Variants in TFAP4 observed in about 807,000 individuals in gnomAD.
TFAP4 encodes transcription factor AP-4.
In TFAP4, 7 loss-of-function variants were observed where a neutral mutation model predicts 40.4. The observed-to-expected ratio is 0.17, with a 90% CI of 0.10 to 0.33. The LOEUF is 0.33. Ranked by LOEUF, TFAP4 falls within the 10% of genes least tolerant of loss-of-function variation. The probability of loss-of-function intolerance (pLI) is 1.00; values close to 1 mark genes in which losing one functional copy is unlikely to be tolerated. For synonymous variants in TFAP4, 218 were observed against 181.4 expected (o/e 1.20, Z -1.62); for missense variants, 374 against 451.1 (o/e 0.83, Z 1.55).
chr16:4,260,342 C>T, intron 5 of TFAP4, 97 bp from the exon 6 acceptor site: 2 of 1,503,938 alleles, frequency 1.3e-6, no homozygotes, highest in Non-Finnish European at 1.8e-6. Flanking sequence ...CTGCCTCTGC[C>T]CCTTTATATT....
intron 1 of TFAP4, among the ~76,000 whole-genome samples, chr16:4,269,492 CAAAAAAAAAAA>C (rs60856578): frequency 2.3e-5 from 1 of 43,224 alleles, no homozygotes; most frequent in Non-Finnish European, 4.1e-5. Context: ...GACTCTGCCT[CAAAAAAAAAAA>C]AAAAAAAAAA....
rs1425872588 is a variant in TFAP4, at chr16:4,257,342, AAAAAC to A, written c.*708_*712del. On this transcript the variant is annotated 3_prime_UTR_variant, in exon 7 of 7. Transcript: ENST00000204517. ...AAAAAAAAAAAGAAAGAAAAAAAAG[AAAAAC>A]AAAACAAAAACAGAAAGCAAACCAA... is the stretch of plus-strand genomic sequence containing the variant. The A allele has an allele frequency of 6.6e-6, 1 of 151,700 alleles. No homozygotes were observed. 9.4% of individuals were successfully genotyped at this position (151,700 alleles called of 1,614,324 possible).
intron 1 of TFAP4, chr16:4,264,702 G>A (rs955980599): frequency 6.6e-6 from 1 of 152,394 alleles, no homozygotes; most frequent in African/African-American, 2.4e-5. Context: ...GCACGGCTGT[G>A]TGTGGCCCAG....
chr16:4,271,957 C>T (rs1261864830), intron 1 of TFAP4, among the ~76,000 whole-genome samples: 3 of 152,162 alleles, frequency 2.0e-5, no homozygotes, highest in Non-Finnish European at 4.4e-5. Context: ...CCGCCTACTC[C>T]AAGAGGGCTG....
At chr16:4,265,076 C>T (rs1464642988) in intron 1 of TFAP4, 1 of 151,274 alleles carries the variant, frequency 6.6e-6, no homozygotes, top group East Asian at 1.9e-4. Context: ...CAGAGGGATA[C>T]ATTTTTTTTT....
rs752700927 is a variant in TFAP4 at position 4,262,717 on chromosome 16, G to A, written c.90-16C>T. ...GTTGGCAAGGCTGCCAGAGAGGACAGGGACAGGCTCGGCCAAGGCGCCCTC... is the reference window on the plus strand; with the variant it reads ...GTTGGCAAGGCTGCCAGAGAGGACAAGGACAGGCTCGGCCAAGGCGCCCTC... On this transcript the variant is annotated splice_polypyrimidine_tract_variant and intron_variant, in intron 1 of 6. Transcript: ENST00000204517. The A allele has an allele frequency of 7.5e-6, 12 of 1,605,086 alleles. No homozygotes were observed. Among genetic ancestry groups the A allele is most frequent in the African/African-American group, 1.3e-5 (1 of 75,012 alleles).
intron 6 of TFAP4, chr16:4,258,470 G>A (rs1259642459): frequency 1.2e-5 from 6 of 493,636 alleles, no homozygotes; most frequent in Non-Finnish European, 2.1e-5. Flanking sequence ...CTAGAGTGCA[G>A]TGGCATGATC....
intron 4 of TFAP4, 107 bp from the exon 5 acceptor site, chr16:4,260,702 G>A: frequency 7.4e-7 from 1 of 1,355,408 alleles, no homozygotes; most frequent in Non-Finnish European, 9.7e-7. Context: ...GCACAGGGCG[G>A]GCCCCTCTCA....
intron 6 of TFAP4, 151 bp downstream of exon 6, chr16:4,259,939 G>T: frequency 9.7e-7 from 1 of 1,034,044 alleles, no homozygotes; most frequent in Non-Finnish European, 1.3e-6. Flanking sequence ...TGCAGATCCA[G>T]GGACGGGGCC....
intron 1 of TFAP4, among the ~76,000 whole-genome samples, chr16:4,270,790 A>G (rs991081243): frequency 6.6e-6 from 1 of 152,192 alleles, no homozygotes; most frequent in African/African-American, 2.4e-5. Context: ...GCCCAGGATC[A>G]GGCCCAGAAT....
chr16:4,261,446 A>ATTT (rs148258464), intron 4 of TFAP4, among the ~76,000 whole-genome samples: 1 of 144,814 alleles, frequency 6.9e-6, no homozygotes, highest in African/African-American at 2.5e-5. Context: ...CGCCCGGCTA[A>ATTT]TTTTTTTTTT....
chr16:4,261,818 C>T lies in TFAP4; in HGVS notation c.486G>A (p.Leu162=). Residue 162 remains leucine, a synonymous_variant, in exon 4 of 7, where the codon CTG becomes CTA. Coordinates refer to ENST00000204517, the MANE Select transcript of TFAP4 (RefSeq NM_003223.3). ...TCATGCGCACCGAGCGCTCCTTGTC[C>T]AGCTGCTGCCGCAGCTCAATCATCT... ...RREMIELRQQ[L]DKERSVRMML... is the part of the protein sequence containing the mutation. The T allele has an allele frequency of 1.9e-6, 3 of 1,612,398 alleles. No homozygotes were observed. Among genetic ancestry groups the T allele is most frequent in the Non-Finnish European group, 2.5e-6 (3 of 1,179,450 alleles).
chr16:4,260,092 G>T lies in TFAP4; in HGVS notation c.820C>A (p.Gln274Lys). 1 of 1,610,886 alleles carries T rather than the reference G, an allele frequency of 6.2e-7. No individual in the cohort carries two copies. Residue 274 changes from glutamine (Q) to lysine (K), a missense_variant and splice_region_variant, in exon 6 of 7, where the codon CAG (glutamine) becomes AAG (lysine). By Grantham distance (53) the Gln-to-Lys change is moderately conservative. This residue lies in a region of TFAP4 where 9 missense variants were observed against 28.7 expected (regional missense o/e 0.31). Transcript: ENST00000204517. ...GCCCCTTTCTCAAGCTCAGGTACCT[G>T]CACGATGGTGTCCAGATTTTGCCGG... ...TSRQNLDTIVQAIQHIEGTQE... is the reference protein window; with the variant it reads ...TSRQNLDTIVKAIQHIEGTQE...
chr16:4,258,021 GC>G lies in TFAP4; in HGVS notation c.*33del. 8 of 1,592,232 alleles carry G rather than the reference GC, an allele frequency of 5.0e-6. No homozygotes were observed. The highest frequency in any genetic ancestry group is 6.0e-6 in the Non-Finnish European group (7 of 1,170,616). On this transcript the variant is annotated 3_prime_UTR_variant, in exon 7 of 7. Transcript: ENST00000204517. ...CCTGTGGCTGCCCCGGCTCCCTCCA[GC>G]CCCCAGAAGGGAGAGGAGGGCTGGG...
In TFAP4 at chr16:4,261,969, G is replaced by A; in HGVS notation, c.355-20C>T. 6.3e-7 allele frequency: 1 copy of A among 1,587,172 alleles called. No individual in the cohort carries two copies. The highest frequency in any genetic ancestry group is 8.6e-7 in the Non-Finnish European group (1 of 1,169,414). On this transcript the variant is annotated intron_variant, in intron 3 of 6. Coordinates refer to ENST00000204517, the MANE Select transcript of TFAP4 (RefSeq NM_003223.3). ...CAGCTCCTGGGGACCCCAAGGAGTC[G>A]GTCAGTGTGCCTGACACCTCGGTAC...
chr16:4,266,605 G>C (rs1310515378), intron 1 of TFAP4: 2 of 152,208 alleles, frequency 1.3e-5, no homozygotes, highest in Non-Finnish European at 2.9e-5. Flanking sequence ...TGACCAACCA[G>C]GGCTTCTGAT....
At chr16:4,260,343 C>G (rs911275800) in intron 5 of TFAP4, 98 bp from the exon 6 acceptor site, 1 of 1,504,440 alleles carries the variant, frequency 6.6e-7, no homozygotes, top group African/African-American at 1.4e-5. Flanking sequence ...TGCCTCTGCC[C>G]CTTTATATTA....
At position 4,257,889 on chromosome 16, in the gene TFAP4, G is replaced by A; in HGVS notation, c.*166C>T. The stretch of plus-strand genomic sequence containing the variant: ...CCAGCCCCGGGACCTCGGGTTGAGT[G>A]GCTTCGTTCAAAGGTCGATTTACAG... On this transcript the variant is annotated 3_prime_UTR_variant, in exon 7 of 7. Coordinates refer to ENST00000204517, the MANE Select transcript of TFAP4 (RefSeq NM_003223.3). The A allele has an allele frequency of 1.4e-6, 1 of 708,434 alleles. No individual in the cohort carries two copies. Among genetic ancestry groups the A allele is most frequent in the Non-Finnish European group, 2.3e-6 (1 of 442,268 alleles). The allele number at this position is 708,434 out of a possible 1,614,324, so 43.9% of individuals were successfully genotyped here.
At chr16:4,262,796 C>T in intron 1 of TFAP4, 95 bp from the exon 2 acceptor site, 1 of 1,403,220 alleles carries the variant, frequency 7.1e-7, no homozygotes, top group Non-Finnish European at 9.8e-7. Flanking sequence ...TCCCCTGCTG[C>T]AAAAGATGCC....
Sources: gnomAD v4.1 joint callset for allele counts (sites outside exome capture counted in the v4.1 genomes callset) on GRCh38, gnomAD v4.1.1 for gene constraint, gnomAD v4.1.1 regional missense constraint, MANE v1.5 for transcripts, NCBI Gene and HGNC (gene_info 2026-07-23, HGNC 2026-07-21) for gene names.